Variants in PLAT observed in about 807,000 individuals in gnomAD.
The protein encoded by PLAT is plasminogen activator, tissue type.
Under a neutral mutation model 74.9 loss-of-function variants are expected in PLAT, and 48 were observed. The observed-to-expected ratio is 0.64, with a 90% CI of 0.51 to 0.82. The LOEUF (loss-of-function observed/expected upper bound fraction) is 0.82. Ranked by LOEUF, PLAT falls within the 40% of genes least tolerant of loss-of-function variation. PLAT has a pLI of 0.00. For missense variants in PLAT, 673 were observed against 736.2 expected, an observed-to-expected ratio of 0.91 and a Z score of 0.99; for synonymous variants, 307 against 294.4, an observed-to-expected ratio of 1.04 and a Z score of -0.44.
Position 42,180,247 on chromosome 8 carries a change from TCA to T in PLAT, c.1215_1216del (p.Asn405LysfsTer40). 3 of 1,614,230 alleles carry T rather than the reference TCA, an allele frequency of 1.9e-6. No homozygotes were observed. The highest frequency in any genetic ancestry group is 2.5e-6 in the Non-Finnish European group (3 of 1,180,032). On this transcript the variant is annotated frameshift_variant, in exon 11 of 14. Transcript: ENST00000220809. LOFTEE classifies it high-confidence loss of function. ...CGGGAATGACGAGCTCTTACCAATG[TCA>T]TTGTCGTAAGTGTCATCATCGAATT...
intron 1 of PLAT, among the ~76,000 whole-genome samples, chr8:42,196,479 C>A (rs962403599): frequency 2.6e-5 from 4 of 152,146 alleles, no homozygotes; most frequent in Admixed American, 6.5e-5. Context: ...AGTCATCCGG[C>A]CAGCAGAAAA....
intron 13 of PLAT, among the ~76,000 whole-genome samples, chr8:42,178,287 T>C (rs902851464): frequency 6.9e-5 from 9 of 130,322 alleles, no homozygotes; most frequent in Admixed American, 5.6e-4. Flanking sequence ...TTTTTTTTTT[T>C]GAGATCGAGT....
At chr8:42,201,027 G>C (rs8178698) in intron 1 of PLAT, among the ~76,000 whole-genome samples, 9 of 152,134 alleles carry the variant, frequency 5.9e-5, no homozygotes, top group Middle Eastern at 3.4e-3. Context: ...ACAGGGTTTC[G>C]GCATGCTGGC....
chr8:42,192,288 G>A (rs1214509829), intron 2 of PLAT, among the ~76,000 whole-genome samples: 2 of 152,136 alleles, frequency 1.3e-5, no homozygotes, highest in African/African-American at 4.8e-5. Flanking sequence ...ACAGGTGTGA[G>A]TCACTGTGCC....
rs1433070382 is a variant in PLAT at position 42,187,592 on chromosome 8, G to A, written c.365-20C>T. The A allele has an allele frequency of 1.3e-6, 2 of 1,571,392 alleles. No individual in the cohort carries two copies. The highest frequency in any genetic ancestry group is 1.7e-6 in the Non-Finnish European group (2 of 1,153,854). On this transcript the variant is annotated intron_variant, in intron 5 of 13. Coordinates refer to ENST00000220809, the MANE Select transcript of PLAT (RefSeq NM_000930.5). ...TGGTATCTGACAGAGAGCAGGGCATGGATGCCTCACATGGGAGTCCCCTTT... is the reference window on the plus strand; with the variant it reads ...TGGTATCTGACAGAGAGCAGGGCATAGATGCCTCACATGGGAGTCCCCTTT...
In PLAT at chr8:42,180,676, C is replaced by T; in HGVS notation, c.899G>A (p.Gly300Asp). Reference protein sequence around the residue: ...YCDVPSCSTCGLRQYSQPQFR... With the variant: ...YCDVPSCSTCDLRQYSQPQFR... ...CTGAGGCTGGCTGTACTGTCTCAGG[C>T]CGCAGGTGGCTGGGGAGGAAAGGAC... The change falls in exon 10 of 14, where the codon GGC (glycine) becomes GAC (aspartate). Residue 300 changes from glycine (G) to aspartate (D), a missense_variant. Physicochemically the swap from Gly to Asp is moderately conservative, Grantham distance 94 (BLOSUM62 -1). Coordinates refer to ENST00000220809, the MANE Select transcript of PLAT (RefSeq NM_000930.5). The T allele has an allele frequency of 6.4e-7, 1 of 1,567,536 alleles. No homozygotes were observed. Among genetic ancestry groups the T allele is most frequent in the Middle Eastern group, 1.7e-4 (1 of 5,824 alleles).
At chr8:42,203,781 A>C (rs1806221411) in intron 1 of PLAT, among the ~76,000 whole-genome samples, 2 of 152,080 alleles carry the variant, frequency 1.3e-5, no homozygotes, top group African/African-American at 4.8e-5. Context: ...CCTGGGCAAC[A>C]AAGCAAAACT....
intron 1 of PLAT, among the ~76,000 whole-genome samples, chr8:42,205,965 G>T (rs981646754): frequency 6.6e-6 from 1 of 152,184 alleles, no homozygotes; most frequent in African/African-American, 2.4e-5. Context: ...GCTCAGCAAC[G>T]TCAGGCCCTG....
intron 1 of PLAT, chr8:42,195,709 C>T (rs1805880366): frequency 6.6e-6 from 1 of 152,180 alleles, no homozygotes. Flanking sequence ...GCCCAAAATT[C>T]CTCTTAAATT....
chr8:42,185,321 G>T (rs1805412161), intron 6 of PLAT, 149 bp from the exon 7 acceptor site: 6 of 470,844 alleles, frequency 1.3e-5, no homozygotes, highest in Non-Finnish European at 1.1e-5. Context: ...CTGGAGTGCA[G>T]CGGCGCATCT....
intron 1 of PLAT, among the ~76,000 whole-genome samples, chr8:42,200,550 G>GC (rs1806088244): frequency 6.6e-6 from 1 of 151,828 alleles, no homozygotes; most frequent in Admixed American, 6.6e-5. Flanking sequence ...GGTGGTACAT[G>GC]CCTGTAGTCC....
Position 42,194,046 on chromosome 8 carries a change from C to CTTTCTT in PLAT, c.-26-841_-26-836dup, listed in dbSNP as rs1563261111. On this transcript the variant is annotated intron_variant, in intron 1 of 13. Coordinates refer to ENST00000220809, the MANE Select transcript of PLAT (RefSeq NM_000930.5). The stretch of plus-strand genomic sequence containing the variant: ...TTTTCTTTTTCCTTTCTTCTTTCTT[C>CTTTCTT]TTTCTTTTTTTTTTTTTTTTTTTTG... Among the ~76,000 whole-genome samples the CTTTCTT allele has an allele frequency of 1.2e-3, 65 of 52,842 alleles. 3 individuals are homozygous for CTTTCTT. The South Asian group carries it at 0.035, about 29-fold the overall frequency. The allele number at this position is 52,842 out of a possible 152,430, so 34.7% of individuals were successfully genotyped here. A position where few individuals can be genotyped will look rare whatever the true frequency, so the allele number is the denominator to read the frequency against.
intron 1 of PLAT, among the ~76,000 whole-genome samples, chr8:42,198,636 G>T (rs919839667): frequency 6.6e-6 from 1 of 152,230 alleles, no homozygotes; most frequent in African/African-American, 2.4e-5. Flanking sequence ...AGGCAGAAAC[G>T]TGAGCAAGCT....
At chr8:42,197,232 C>A (rs1381332678) in intron 1 of PLAT, among the ~76,000 whole-genome samples, 1 of 152,182 alleles carries the variant, frequency 6.6e-6, no homozygotes, top group South Asian at 2.1e-4. Flanking sequence ...GTGTGTAGGA[C>A]ACAGCCAGCA....
rs765458964 is a variant in PLAT at position 42,193,098 on chromosome 8, G to A, written c.72+16C>T. On this transcript the variant is annotated intron_variant, in intron 2 of 13. Transcript: ENST00000220809. The stretch of plus-strand genomic sequence containing the variant: ...ACAGCCTTGAGGGGCGGGACACAGG[G>A]ATCCTGCACACCAACCTGGCTGGGC... 3.2e-6 allele frequency: 5 copies of A among 1,582,480 alleles called. No homozygotes were observed. The East Asian group carries it at 8.9e-5, about 28-fold the overall frequency.
intron 12 of PLAT, 88 bp downstream of exon 12, chr8:42,179,838 G>C (rs566391953): frequency 2.2e-6 from 3 of 1,337,222 alleles, no homozygotes; most frequent in East Asian, 5.2e-5. Context: ...CTGGAACTTC[G>C]GTCTCCTGAC....
intron 1 of PLAT, among the ~76,000 whole-genome samples, chr8:42,203,480 G>A (rs1270751182): frequency 6.6e-6 from 1 of 152,148 alleles, no homozygotes; most frequent in Non-Finnish European, 1.5e-5. Context: ...CACAACTCAG[G>A]CAAAGTTGAG....
At chr8:42,189,594 A>T (rs560508044) in intron 3 of PLAT, among the ~76,000 whole-genome samples, 4 of 151,234 alleles carry the variant, frequency 2.6e-5, no homozygotes, top group South Asian at 4.2e-4. Context: ...TTTATTTATT[A>T]TTTATTTATT....
At position 42,180,031 on chromosome 8, in the gene PLAT, C is replaced by T. The variant is rs774094781; in HGVS notation, c.1258G>A (p.Ala420Thr). The T allele has an allele frequency of 2.5e-6, 4 of 1,609,372 alleles. No homozygotes were observed. Among genetic ancestry groups the T allele is most frequent in the Admixed American group, 1.7e-5 (1 of 59,400 alleles). The change falls in exon 12 of 14, where the codon GCC (alanine) becomes ACC (threonine). Residue 420 changes from alanine (A) to threonine (T), a missense_variant. By Grantham distance (58) the Ala-to-Thr change is moderately conservative. Coordinates refer to ENST00000220809, the MANE Select transcript of PLAT (RefSeq NM_000930.5). ...LQLKSDSSRCAQESSVVRTVC... is the reference protein window; with the variant it reads ...LQLKSDSSRCTQESSVVRTVC... ...GTGCGGACCACGCTGCTCTCCTGGG[C>T]ACAGCGGGACGAATCCGATTTCAGC...
Sources: allele counts gnomAD v4.1 joint callset (sites outside exome capture counted in the v4.1 genomes callset), GRCh38; gene constraint gnomAD v4.1.1; transcripts MANE v1.5; gene names NCBI Gene and HGNC (gene_info 2026-07-23, HGNC 2026-07-21).